Variants in SLC27A6 observed in about 807,000 individuals in gnomAD.
SLC27A6 encodes long-chain fatty acid transport protein 6.
SLC27A6 carries 74 observed loss-of-function variants against 63.9 expected under a neutral mutation model. The ratio of observed to expected loss-of-function variants is 1.16; its 90% CI spans 0.96 to 1.40. SLC27A6 has a LOEUF of 1.40. Among genes scored for constraint, SLC27A6 ranks in the 40% most tolerant of loss-of-function variants. The pLI, the probability that SLC27A6 is intolerant of heterozygous loss-of-function variation, is 0.00. For synonymous variants in SLC27A6, 287 were observed against 260.8 expected, an observed-to-expected ratio of 1.10 and a Z score of -0.97; for missense variants, 794 against 732.9, an observed-to-expected ratio of 1.08 and a Z score of -0.96.
chr5:129,028,473 T>G (rs781399925), intron 8 of SLC27A6, 31 bp downstream of exon 8: 2 of 1,334,906 alleles, frequency 1.5e-6, no homozygotes, highest in African/African-American at 2.9e-5. Context: ...TTGGAAAGAT[T>G]CTTAGAATAG....
At chr5:129,010,118 A>T (rs1361656425) in intron 4 of SLC27A6, among the ~76,000 whole-genome samples, 1 of 152,186 alleles carries the variant, frequency 6.6e-6, no homozygotes, top group Non-Finnish European at 1.5e-5. Context: ...TCCCAGTATA[A>T]ATTAGTTTTG....
chr5:129,030,563 TGAG>T (rs1752385962), intron 9 of SLC27A6, among the ~76,000 whole-genome samples: 1 of 152,170 alleles, frequency 6.6e-6, no homozygotes, highest in Non-Finnish European at 1.5e-5. Flanking sequence ...TTTTTGATTT[TGAG>T]TTTTTACATT....
chr5:129,014,892 A>C (rs897157743), intron 4 of SLC27A6, among the ~76,000 whole-genome samples: 1 of 152,170 alleles, frequency 6.6e-6, no homozygotes, highest in African/African-American at 2.4e-5. Flanking sequence ...TTCAGTTTCC[A>C]AAATTACCTC....
intron 1 of SLC27A6, among the ~76,000 whole-genome samples, chr5:128,969,977 C>T (rs891451012): frequency 1.5e-4 from 23 of 152,172 alleles, no homozygotes; most frequent in Middle Eastern, 6.8e-3. Context: ...GCATGAAGGG[C>T]TGTTGAATTT....
chr5:128,967,885 A>T (rs1429585659), intron 1 of SLC27A6, among the ~76,000 whole-genome samples: 1 of 152,062 alleles, frequency 6.6e-6, no homozygotes, highest in Non-Finnish European at 1.5e-5. Flanking sequence ...TACATTAGGT[A>T]TTCCTCCTAA....
chr5:128,986,892 C>G (rs181583851), intron 2 of SLC27A6, among the ~76,000 whole-genome samples: 1 of 152,150 alleles, frequency 6.6e-6, no homozygotes, highest in East Asian at 1.9e-4. Context: ...TTGCCCCCAC[C>G]AAACCCCAGA....
chr5:129,032,980 T>C (rs1191263827), intron 9 of SLC27A6, 126 bp from the exon 10 acceptor site: 10 of 499,528 alleles, frequency 2.0e-5, no homozygotes, highest in Non-Finnish European at 3.3e-5. Flanking sequence ...TGTTAAATTA[T>C]TAGAAAATAC....
At chr5:129,022,118 T>C (rs761918194) in intron 5 of SLC27A6, among the ~76,000 whole-genome samples, 2 of 152,238 alleles carry the variant, frequency 1.3e-5, no homozygotes, top group Non-Finnish European at 2.9e-5. Context: ...GCCAATATCC[T>C]GTTATCCCAA....
At chr5:129,001,679 C>A (rs920360406) in intron 4 of SLC27A6, among the ~76,000 whole-genome samples, 1 of 152,136 alleles carries the variant, frequency 6.6e-6, no homozygotes, top group Non-Finnish European at 1.5e-5. Flanking sequence ...TGTCTCTCCA[C>A]CTATCAACAA....
intron 1 of SLC27A6, among the ~76,000 whole-genome samples, chr5:128,981,501 A>C (rs185219968): frequency 6.6e-6 from 1 of 151,700 alleles, no homozygotes; most frequent in Non-Finnish European, 1.5e-5. Context: ...AAGAAAAAAA[A>C]ATCCAGTTGT....
intron 1 of SLC27A6, among the ~76,000 whole-genome samples, chr5:128,979,684 T>C (rs1041106259): frequency 3.3e-5 from 5 of 152,076 alleles, no homozygotes; most frequent in Admixed American, 3.3e-4. Flanking sequence ...GTGTTCGACT[T>C]TTTCTTTTTT....
At chr5:129,023,800 C>T (rs1752152337) in intron 6 of SLC27A6, 90 bp downstream of exon 6, 1 of 907,924 alleles carries the variant, frequency 1.1e-6, no homozygotes, top group Non-Finnish European at 1.7e-6. Flanking sequence ...GGATTGGTTC[C>T]AGGACCCCGG....
intron 4 of SLC27A6, among the ~76,000 whole-genome samples, chr5:128,999,601 C>A (rs1414322181): frequency 6.6e-6 from 1 of 152,114 alleles, no homozygotes; most frequent in South Asian, 2.1e-4. Context: ...CATCTTACCT[C>A]AAAAATAGCC....
At chr5:128,982,120 C>A (rs1222994107) in intron 1 of SLC27A6, among the ~76,000 whole-genome samples, 1 of 152,124 alleles carries the variant, frequency 6.6e-6, no homozygotes, top group African/African-American at 2.4e-5. Context: ...GGCCAAGATT[C>A]ATTTTATTAA....
intron 1 of SLC27A6, among the ~76,000 whole-genome samples, chr5:128,982,031 C>A (rs1386717696): frequency 1.3e-5 from 2 of 152,090 alleles, no homozygotes; most frequent in East Asian, 3.9e-4. Flanking sequence ...CCAGGCTCTT[C>A]TTTAACTCCT....
rs998584761 is a variant in SLC27A6, at chr5:128,986,247, G to A, written c.685+911G>A. On this transcript the variant is annotated intron_variant, in intron 2 of 9. Coordinates refer to ENST00000262462, the MANE Select transcript of SLC27A6 (RefSeq NM_001017372.3). ...TTGAATCATTCTATCCCAGAAGTTC[G>A]GGGTTATAGTGAGCTGATTGCACCT... Among the ~76,000 whole-genome samples, 4 of 152,288 alleles carry A rather than the reference G, an allele frequency of 2.6e-5. No homozygotes were observed. In the East Asian group the frequency reaches 5.8e-4, roughly 22 times the overall value.
chr5:128,966,712 T>C lies in SLC27A6; in HGVS notation c.481+94T>C. ...CTTTAGGATAATTCGTAACTAATAT[T>C]TTGGGTGAGTGAAGTGTGCATGTTA... On this transcript the variant is annotated intron_variant, in intron 1 of 9. Transcript: ENST00000262462. 3 of 1,264,780 alleles carry C rather than the reference T, an allele frequency of 2.4e-6. No homozygotes were observed. In the South Asian group the frequency reaches 7.4e-5, roughly 31 times the overall value. The allele number at this position is 1,264,780 out of a possible 1,614,324, so 78.3% of individuals were successfully genotyped here.
intron 6 of SLC27A6, among the ~76,000 whole-genome samples, 164 bp downstream of exon 6, chr5:129,023,874 G>T (rs541412693): frequency 3.3e-5 from 5 of 152,066 alleles, no homozygotes; most frequent in African/African-American, 1.2e-4. Context: ...TGCCTATGAG[G>T]TGTGCACATC....
intron 5 of SLC27A6, among the ~76,000 whole-genome samples, chr5:129,017,573 G>T (rs1751944978): frequency 6.6e-6 from 1 of 151,970 alleles, no homozygotes; most frequent in South Asian, 2.1e-4. Flanking sequence ...AATGTTTGGT[G>T]ATGAATACAA....
Sources: gnomAD v4.1 joint callset for allele counts (sites outside exome capture counted in the v4.1 genomes callset) on GRCh38, gnomAD v4.1.1 for gene constraint, MANE v1.5 for transcripts, NCBI Gene and HGNC (gene_info 2026-07-23, HGNC 2026-07-21) for gene names.